Variants in SNCAIP observed in about 807,000 individuals in gnomAD.
SNCAIP encodes the protein synphilin-1.
In SNCAIP, 43 loss-of-function variants were observed where a neutral mutation model predicts 86.7. The observed-to-expected ratio is 0.50, with a 90% CI of 0.39 to 0.64. SNCAIP has a LOEUF of 0.64. Among genes scored for constraint, SNCAIP ranks in the 30% least tolerant of loss-of-function variants. SNCAIP has a pLI of 0.00. For missense variants in SNCAIP, 981 were observed against 1,103.1 expected, an observed-to-expected ratio of 0.89 and a Z score of 1.57; for synonymous variants, 417 against 427.2, an observed-to-expected ratio of 0.98 and a Z score of 0.29.
rs373760014 is a variant in SNCAIP, at chr5:122,391,099, G to A, written c.-36G>A. 3 of 1,553,804 alleles carry A rather than the reference G, an allele frequency of 1.9e-6. No individual in the cohort carries two copies. The highest frequency in any genetic ancestry group is 2.7e-6 in the Non-Finnish European group (3 of 1,125,246). On this transcript the variant is annotated 5_prime_UTR_variant, in exon 2 of 11. Transcript: ENST00000261368. ...TTCTGTCTCGTTCAGGAATTTATAA[G>A]TATTTGACCGTACTCAAAATGTGCA...
At chr5:122,413,595 C>CA (rs1774606699) in intron 3 of SNCAIP, among the ~76,000 whole-genome samples, 1 of 152,088 alleles carries the variant, frequency 6.6e-6, no homozygotes, top group South Asian at 2.1e-4. Context: ...CACTCCTGCA[C>CA]CCCTAGTGAC....
At chr5:122,358,021 T>C (rs1464322504) in intron 1 of SNCAIP, among the ~76,000 whole-genome samples, 1 of 152,116 alleles carries the variant, frequency 6.6e-6, no homozygotes, top group Non-Finnish European at 1.5e-5. Flanking sequence ...GTGGAATGAA[T>C]GAATGAGTGA....
Position 122,432,233 on chromosome 5 carries a change from T to C in SNCAIP, c.1296+151T>C. On this transcript the variant is annotated intron_variant, in intron 6 of 10. Coordinates refer to ENST00000261368, the MANE Select transcript of SNCAIP (RefSeq NM_005460.4). Reference sequence around the variant, plus strand: ...ATGATATTTGTTGTTATTTTTGTTTTAAATGAAAAAAAGTTTACAACAACC... The same window carrying C: ...ATGATATTTGTTGTTATTTTTGTTTCAAATGAAAAAAAGTTTACAACAACC... The C allele has an allele frequency of 6.3e-6, 4 of 635,294 alleles. No homozygotes were observed. In the South Asian group the frequency reaches 7.2e-5, roughly 11 times the overall value. 39.4% of individuals were successfully genotyped at this position (635,294 alleles called of 1,614,324 possible). A position where few individuals can be genotyped will look rare whatever the true frequency, so the allele number is the denominator to read the frequency against.
At chr5:122,443,438 C>T (rs866476403) in intron 7 of SNCAIP, 101 of 273,072 alleles carry the variant, frequency 3.7e-4, no homozygotes, top group African/African-American at 2.1e-3. Flanking sequence ...TCAAATTTCT[C>T]TCTCTCCACA....
intron 1 of SNCAIP, among the ~76,000 whole-genome samples, chr5:122,344,856 G>A (rs10052737): frequency 0.064 from 9,761 of 152,090 alleles, 853 homozygotes; most frequent in African/African-American, 0.2. Flanking sequence ...GTATTTAAGT[G>A]CCATTATCCT....
At chr5:122,376,182 A>T (rs921009881) in intron 1 of SNCAIP, among the ~76,000 whole-genome samples, 1 of 152,114 alleles carries the variant, frequency 6.6e-6, no homozygotes, top group African/African-American at 2.4e-5. Flanking sequence ...CCAAAGTTTA[A>T]TCCTCATAAA....
At chr5:122,361,633 A>C (rs1762237232) in intron 1 of SNCAIP, among the ~76,000 whole-genome samples, 2 of 152,242 alleles carry the variant, frequency 1.3e-5, no homozygotes, top group South Asian at 4.1e-4. Flanking sequence ...AAACTGTGGG[A>C]GGCTGGAGAA....
In SNCAIP at chr5:122,450,152, G is replaced by A. The variant is rs1413514314; in HGVS notation, c.1685+215G>A. ...TGATTCTGCTATTTCTTCATTCCAC[G>A]ACTATAAACAAGTCATTTACTCTTT... is the stretch of plus-strand genomic sequence containing the variant. On this transcript the variant is annotated intron_variant, in intron 9 of 10. Transcript: ENST00000261368. 4.6e-5 allele frequency among the ~76,000 whole-genome samples: 7 copies of A among 152,022 alleles called. No individual in the cohort carries two copies. In the East Asian group the frequency reaches 1.2e-3, roughly 25 times the overall value.
chr5:122,439,924 G>C (rs1012239320), intron 6 of SNCAIP, among the ~76,000 whole-genome samples: 1 of 152,162 alleles, frequency 6.6e-6, no homozygotes, highest in Non-Finnish European at 1.5e-5. Flanking sequence ...CACATACTGT[G>C]ACTGCTCTAT....
At chr5:122,405,271 G>T (rs1772727987) in intron 3 of SNCAIP, among the ~76,000 whole-genome samples, 1 of 152,184 alleles carries the variant, frequency 6.6e-6, no homozygotes, top group African/African-American at 2.4e-5. Flanking sequence ...TACTAATGTT[G>T]CCCAGCTGTC....
At chr5:122,418,283 C>T (rs575831984) in intron 3 of SNCAIP, among the ~76,000 whole-genome samples, 33 of 152,266 alleles carry the variant, frequency 2.2e-4, no homozygotes, top group African/African-American at 7.5e-4. Flanking sequence ...TCCTGGAAGC[C>T]AAAGTTTCAC....
chr5:122,382,418 A>G (rs1767048321), intron 1 of SNCAIP, among the ~76,000 whole-genome samples: 2 of 151,946 alleles, frequency 1.3e-5, no homozygotes. Context: ...ACTTCTCTGT[A>G]TTGGTTATTC....
At chr5:122,383,224 T>G (rs1767324831) in intron 1 of SNCAIP, among the ~76,000 whole-genome samples, 1 of 152,188 alleles carries the variant, frequency 6.6e-6, no homozygotes, top group Non-Finnish European at 1.5e-5. Context: ...CCGAGCCAGG[T>G]GCGGGATATA....
intron 1 of SNCAIP, among the ~76,000 whole-genome samples, chr5:122,356,530 C>T (rs967971367): frequency 6.6e-6 from 1 of 152,194 alleles, no homozygotes; most frequent in Non-Finnish European, 1.5e-5. Flanking sequence ...TACATTCACA[C>T]ATATACACAC....
rs551498197 is a variant in SNCAIP, at chr5:122,414,449, A to T, written c.131-8419A>T. 2.6e-5 allele frequency among the ~76,000 whole-genome samples: 4 copies of T among 152,026 alleles called. No individual in the cohort carries two copies. The East Asian group carries it at 5.8e-4, about 22-fold the overall frequency. On this transcript the variant is annotated intron_variant, in intron 3 of 10. Coordinates refer to ENST00000261368, the MANE Select transcript of SNCAIP (RefSeq NM_005460.4). Reference sequence around the variant, plus strand: ...TTTCACCATGTTGGCCAGGCTGGTCATGAACTCCTGACCTCAAGTGATCCG... The same window carrying T: ...TTTCACCATGTTGGCCAGGCTGGTCTTGAACTCCTGACCTCAAGTGATCCG...
intron 1 of SNCAIP, among the ~76,000 whole-genome samples, chr5:122,384,396 A>G (rs1262100249): frequency 2.0e-5 from 3 of 152,238 alleles, no homozygotes; most frequent in Non-Finnish European, 2.9e-5. Flanking sequence ...TTCTTAAAAA[A>G]AAAATGACAC....
chr5:122,364,635 T>G (rs1053243591), intron 1 of SNCAIP, among the ~76,000 whole-genome samples: 5 of 152,288 alleles, frequency 3.3e-5, no homozygotes, highest in South Asian at 4.1e-4. Flanking sequence ...TGAAGTCATT[T>G]GCACTACGTG....
At chr5:122,384,088 A>T (rs2152824264) in intron 1 of SNCAIP, among the ~76,000 whole-genome samples, 1 of 152,314 alleles carries the variant, frequency 6.6e-6, no homozygotes, top group East Asian at 1.9e-4. Context: ...GAACATCCAA[A>T]CAATACAATT....
rs779222795 is a variant in SNCAIP, at chr5:122,423,411, T to A, written c.674T>A (p.Ile225Asn). 1 of 1,613,878 alleles carries A rather than the reference T, an allele frequency of 6.2e-7. No individual in the cohort carries two copies. Among genetic ancestry groups the A allele is most frequent in the Non-Finnish European group, 8.5e-7 (1 of 1,179,838 alleles). ...CACTTGAGAAAAGCATCAGCTGTCA[T>A]CCACGACCAGCACAAGCTGTCCACT... is the stretch of plus-strand genomic sequence containing the variant. ...SPHLRKASAV[I>N]HDQHKLSTEE... Residue 225 changes from isoleucine (I) to asparagine (N), a missense_variant, in exon 4 of 11, where the codon ATC becomes AAC. By Grantham distance (149) the Ile-to-Asn change is moderately radical (BLOSUM62 -3). Transcript: ENST00000261368.
Sources: allele counts gnomAD v4.1 joint callset (sites outside exome capture counted in the v4.1 genomes callset), GRCh38; gene constraint gnomAD v4.1.1; transcripts MANE v1.5; gene names NCBI Gene and HGNC (gene_info 2026-07-23, HGNC 2026-07-21).